PPIP5K2: variants seen among roughly 807,000 people sequenced by gnomAD.
PPIP5K2 encodes the protein inositol hexakisphosphate and diphosphoinositol-pentakisphosphate kinase 2.
In PPIP5K2, 105 loss-of-function variants were observed where a neutral mutation model predicts 154.6. The observed-to-expected ratio is 0.68, with a 90% confidence interval of 0.58 to 0.80. The LOEUF (loss-of-function observed/expected upper bound fraction) is 0.80. Ranked by LOEUF, PPIP5K2 falls within the 30% of genes least tolerant of loss-of-function variation. The pLI is 0.00. For missense variants in PPIP5K2, 992 were observed against 1,504.6 expected (o/e 0.66, Z 5.64); for synonymous variants, 480 against 490.3 (o/e 0.98, Z 0.28).
chr5:103,127,705 T>C (rs997756299), intron 1 of PPIP5K2, among the ~76,000 whole-genome samples: 11 of 152,184 alleles, frequency 7.2e-5, no homozygotes, highest in Non-Finnish European at 1.3e-4. Context: ...CTCCCTTTTT[T>C]ATAGACTAAT....
At chr5:103,180,400 T>TA (rs747705553) in intron 24 of PPIP5K2, among the ~76,000 whole-genome samples, 22 of 151,786 alleles carry the variant, frequency 1.4e-4, no homozygotes, top group Non-Finnish European at 1.9e-4. Flanking sequence ...ATAGTTTTCA[T>TA]AAAAAAAGGA....
chr5:103,146,845 T>C (rs1251582952), intron 6 of PPIP5K2, among the ~76,000 whole-genome samples, 164 bp downstream of exon 6: 2 of 151,992 alleles, frequency 1.3e-5, no homozygotes, highest in Non-Finnish European at 2.9e-5. Flanking sequence ...AAGCATGGCA[T>C]CATTTTAGTT....
chr5:103,205,795 T>C lies in PPIP5K2; in HGVS notation c.*4161T>C, dbSNP rs1554232162. 1 of 152,338 alleles carries C rather than the reference T, an allele frequency of 6.6e-6. No individual in the cohort carries two copies. The highest frequency in any genetic ancestry group is 2.4e-5 in the African/African-American group (1 of 41,596). The allele number at this position is 152,338 out of a possible 1,614,324, so 9.4% of individuals were successfully genotyped here. The stretch of plus-strand genomic sequence containing the variant: ...CTTATCATTATTAAAATGTCCTTTT[T>C]GTCCATTGGATACTTTTTGTTCTAT... On this transcript the variant is annotated 3_prime_UTR_variant, in exon 31 of 31. Coordinates refer to ENST00000358359, the MANE Select transcript of PPIP5K2 (RefSeq NM_001276277.3).
Position 103,201,541 on chromosome 5 carries a change from T to G in PPIP5K2, c.3639T>G (p.Ser1213Arg). Residue 1213 changes from serine (S) to arginine (R), a missense_variant, in exon 31 of 31, where the codon AGT becomes AGG. By Grantham distance (110) the Ser-to-Arg change is moderately radical. Coordinates refer to ENST00000358359, the MANE Select transcript of PPIP5K2 (RefSeq NM_001276277.3). ...ATGTAGCTACAAGTGGACCTTCTAG[T>G]GCAGTTGTTCCTAATACCTCATCTC... ...SSKPATSGPSSAVVPNTSSRK... is the reference protein window; with the variant it reads ...SSKPATSGPSRAVVPNTSSRK... 1 of 1,604,494 alleles carries G rather than the reference T, an allele frequency of 6.2e-7. No homozygotes were observed.
intron 1 of PPIP5K2, among the ~76,000 whole-genome samples, chr5:103,121,196 G>A (rs1788651498): frequency 6.6e-6 from 1 of 152,182 alleles, no homozygotes; most frequent in African/African-American, 2.4e-5. Context: ...GCTCTACACT[G>A]GGACAGGATT....
At chr5:103,131,745 T>C (rs1790654315) in intron 2 of PPIP5K2, among the ~76,000 whole-genome samples, 1 of 152,202 alleles carries the variant, frequency 6.6e-6, no homozygotes, top group Admixed American at 6.5e-5. Context: ...GATGTGACTA[T>C]AGTTTTTTTA....
At chr5:103,201,393 A>C (rs1802968770) in intron 30 of PPIP5K2, 129 bp from the exon 31 acceptor site, 2 of 599,350 alleles carry the variant, frequency 3.3e-6, no homozygotes, top group African/African-American at 1.9e-5. Context: ...TGCTATATTA[A>C]ATTTTTACAT....
At chr5:103,177,084 T>C (rs533049627) in intron 21 of PPIP5K2, among the ~76,000 whole-genome samples, 1 of 152,068 alleles carries the variant, frequency 6.6e-6, no homozygotes, top group Non-Finnish European at 1.5e-5. Context: ...TATGATACTA[T>C]ACTAGGTACT....
chr5:103,192,297 A>G (rs1425704123), intron 29 of PPIP5K2, among the ~76,000 whole-genome samples: 1 of 152,128 alleles, frequency 6.6e-6, no homozygotes, highest in African/African-American at 2.4e-5. Flanking sequence ...TAACTTCTCC[A>G]AGTGGTAAAC....
chr5:103,150,467 G>A (rs147103207), intron 8 of PPIP5K2, among the ~76,000 whole-genome samples: 1 of 152,132 alleles, frequency 6.6e-6, no homozygotes, highest in Non-Finnish European at 1.5e-5. Flanking sequence ...GTGGTATTAG[G>A]GGTTTAAAAG....
chr5:103,141,982 C>G (rs1316278704), intron 5 of PPIP5K2, among the ~76,000 whole-genome samples: 1 of 152,242 alleles, frequency 6.6e-6, no homozygotes, highest in African/African-American at 2.4e-5. Context: ...CCAGTGGATC[C>G]CGCACCAGGG....
Position 103,129,608 on chromosome 5 carries a change from T to C in PPIP5K2, c.19T>C (p.Phe7Leu). Residue 7 changes from phenylalanine to leucine, a missense_variant, in exon 2 of 31, where the codon TTC becomes CTC. Around this residue, in one of 9 missense-constraint regions of PPIP5K2, gnomAD observed 153 missense variants for 200.4 expected, o/e 0.76. Coordinates refer to ENST00000358359, the MANE Select transcript of PPIP5K2 (RefSeq NM_001276277.3). ...AATAAAAATGAGTGAAGCCCCCAGATTCTTCGTTGGACCAGAAGATACAGA... is the reference window on the plus strand; with the variant it reads ...AATAAAAATGAGTGAAGCCCCCAGACTCTTCGTTGGACCAGAAGATACAGA... MSEAPRFFVGPEDTEIN... is the reference protein window; with the variant it reads MSEAPRLFVGPEDTEIN... 1 of 1,601,808 alleles carries C rather than the reference T, an allele frequency of 6.2e-7. No homozygotes were observed. The highest frequency in any genetic ancestry group is 1.1e-5 in the South Asian group (1 of 88,738).
rs550415890 is a variant in PPIP5K2 at position 103,160,649 on chromosome 5, G to A, written c.1920+1321G>A. On this transcript the variant is annotated intron_variant, in intron 17 of 30. Coordinates refer to ENST00000358359, the MANE Select transcript of PPIP5K2 (RefSeq NM_001276277.3). ...TTGTTTTCTTTTAACTGCCTTTTAAGCATGTAAAAACCATTCTTAGCTCAT... is the reference window on the plus strand; with the variant it reads ...TTGTTTTCTTTTAACTGCCTTTTAAACATGTAAAAACCATTCTTAGCTCAT... Among the ~76,000 whole-genome samples the A allele has an allele frequency of 2.0e-5, 3 of 152,268 alleles. No individual in the cohort carries two copies. In the East Asian group the frequency reaches 5.8e-4, roughly 29 times the overall value.
At chr5:103,189,312 G>A in intron 28 of PPIP5K2, 1 of 1,082,806 alleles carries the variant, frequency 9.2e-7, no homozygotes, top group Non-Finnish European at 1.3e-6. Flanking sequence ...TAAAGGAAAA[G>A]TTTATTAAAG....
chr5:103,170,360 T>G (rs1426432090), intron 19 of PPIP5K2, among the ~76,000 whole-genome samples: 1 of 151,618 alleles, frequency 6.6e-6, no homozygotes, highest in African/African-American at 2.4e-5. Context: ...ATGGTGATTC[T>G]CTTTGCTGCA....
chr5:103,165,349 A>G (rs943315571), intron 17 of PPIP5K2, among the ~76,000 whole-genome samples: 2 of 152,140 alleles, frequency 1.3e-5, no homozygotes, highest in Admixed American at 6.6e-5. Flanking sequence ...CAAAAACTTA[A>G]CTACCAAGTT....
At chr5:103,122,589 A>G (rs1458998345) in intron 1 of PPIP5K2, among the ~76,000 whole-genome samples, 3 of 152,168 alleles carry the variant, frequency 2.0e-5, no homozygotes, top group Non-Finnish European at 4.4e-5. Flanking sequence ...GCAGAAGCCT[A>G]TTTATTCCCT....
Position 103,173,917 on chromosome 5 carries a change from G to C in PPIP5K2, c.2474G>C (p.Ser825Thr), listed in dbSNP as rs782715075. The C allele has an allele frequency of 6.2e-7, 1 of 1,609,866 alleles. No individual in the cohort carries two copies. The highest frequency in any genetic ancestry group is 8.5e-7 in the Non-Finnish European group (1 of 1,176,996). Residue 825 changes from serine to threonine, a missense_variant, in exon 21 of 31, where the codon AGT becomes ACT. Transcript: ENST00000358359. ...GTTCGTACTAGATTATATTTTACCA[G>C]TGAAAGTCATGTACATTCTTTGCTG... ...RHVRTRLYFT[S>T]ESHVHSLLSI...
intron 14 of PPIP5K2, among the ~76,000 whole-genome samples, chr5:103,156,326 A>G (rs1420815022): frequency 6.6e-6 from 1 of 152,206 alleles, no homozygotes; most frequent in Non-Finnish European, 1.5e-5. Flanking sequence ...TAGAGGGCAG[A>G]GTATATAAGA....
Sources: gnomAD v4.1 joint callset for allele counts (sites outside exome capture counted in the v4.1 genomes callset) on GRCh38, gnomAD v4.1.1 for gene constraint, gnomAD v4.1.1 regional missense constraint, MANE v1.5 for transcripts, NCBI Gene and HGNC (gene_info 2026-07-23, HGNC 2026-07-21) for gene names.